Variants in DLG2 observed in about 807,000 individuals in gnomAD.
The protein encoded by DLG2 is discs large MAGUK scaffold protein 2, also known as disks large homolog 2.
In DLG2, 45 loss-of-function variants were observed where a neutral mutation model predicts 132.5. The observed-to-expected ratio is 0.34, with a 90% CI of 0.27 to 0.44. DLG2 has a LOEUF of 0.44. Ranked by LOEUF, DLG2 falls within the 20% of genes least tolerant of loss-of-function variation. The pLI is 1.00. For missense variants in DLG2, 1,045 were observed against 1,196.9 expected (o/e 0.87, Z 1.87); for synonymous variants, 424 against 419.6 (o/e 1.01, Z -0.13).
At chr11:85,625,040 C>T (rs2153282696) in intron 2 of DLG2, 1 of 152,314 alleles carries the variant, frequency 6.6e-6, no homozygotes, top group South Asian at 2.1e-4. Flanking sequence ...AACTTTCTAA[C>T]TAAACCTGCT....
intron 6 of DLG2, among the ~76,000 whole-genome samples, chr11:84,670,156 A>G (rs1366558725): frequency 6.6e-6 from 1 of 152,090 alleles, no homozygotes; most frequent in Non-Finnish European, 1.5e-5. Context: ...GCTCAGGTCA[A>G]TTCCAACCTT....
At chr11:83,774,399 C>A (rs76359058) in intron 18 of DLG2, among the ~76,000 whole-genome samples, 1 of 152,130 alleles carries the variant, frequency 6.6e-6, no homozygotes, top group Non-Finnish European at 1.5e-5. Context: ...TTTATATGTA[C>A]GCCTTCGTTT....
intron 3 of DLG2, among the ~76,000 whole-genome samples, chr11:85,510,402 G>C (rs2094033732): frequency 6.6e-6 from 1 of 152,026 alleles, no homozygotes; most frequent in African/African-American, 2.4e-5. Context: ...CTTCTGCACA[G>C]CAAAAGAAAC....
At chr11:84,650,105 G>C (rs867535962) in intron 6 of DLG2, among the ~76,000 whole-genome samples, 1 of 152,156 alleles carries the variant, frequency 6.6e-6, no homozygotes. Flanking sequence ...TACCCCATGA[G>C]CTGAAAATTA....
intron 7 of DLG2, among the ~76,000 whole-genome samples, chr11:84,455,311 T>G (rs1057215044): frequency 1.3e-5 from 2 of 151,568 alleles, no homozygotes; most frequent in Non-Finnish European, 3.0e-5. Context: ...TGCAAGTAGA[T>G]TCATAAAGAA....
intron 17 of DLG2, among the ~76,000 whole-genome samples, chr11:83,819,302 T>C (rs2050011451): frequency 6.6e-6 from 1 of 151,092 alleles, no homozygotes; most frequent in Admixed American, 6.6e-5. Flanking sequence ...AAACCCCATC[T>C]CTACTGAAAA....
At chr11:84,035,286 G>A (rs2095831917) in intron 11 of DLG2, among the ~76,000 whole-genome samples, 1 of 152,094 alleles carries the variant, frequency 6.6e-6, no homozygotes, top group Non-Finnish European at 1.5e-5. Context: ...CTTTGATTAA[G>A]TTGTAGGTTC....
intron 3 of DLG2, among the ~76,000 whole-genome samples, chr11:85,409,051 T>C (rs1218922515): frequency 6.6e-6 from 1 of 151,980 alleles, no homozygotes; most frequent in Non-Finnish European, 1.5e-5. Flanking sequence ...AATTGAGTCA[T>C]TGAGAAATCG....
At chr11:85,346,188 CT>C (rs370488898) in intron 3 of DLG2, among the ~76,000 whole-genome samples, 1,563 of 144,760 alleles carry the variant, frequency 0.011, 24 homozygotes, top group African/African-American at 0.032. Flanking sequence ...AATTTTCTTT[CT>C]TTTTTTTTTT....
At position 83,484,129 on chromosome 11, in the gene DLG2, G is replaced by A. The variant is rs747209072; in HGVS notation, c.2293C>T (p.Arg765Ter). 3.7e-6 allele frequency: 6 copies of A among 1,611,098 alleles called. No individual in the cohort carries two copies. The highest frequency in any genetic ancestry group is 1.1e-5 in the South Asian group (1 of 90,970). ...QSEQETSDPE[R>*]GQEDLILSYE... ...ACATTATCTTTCAGAATCTACTTAC[G>A]TTCAGGATCACTGGTTTCCTGCTCA... Residue 765 changes from arginine (R) to a stop codon, truncating the protein, a stop_gained and splice_region_variant, in exon 22 of 28, where the codon CGA (arginine) becomes TGA (stop). Transcript: ENST00000376104. LOFTEE classifies it high-confidence loss of function.
At chr11:85,418,887 T>C (rs1235486814) in intron 3 of DLG2, among the ~76,000 whole-genome samples, 2 of 152,222 alleles carry the variant, frequency 1.3e-5, no homozygotes, top group African/African-American at 2.4e-5. Flanking sequence ...CTTTATCCTA[T>C]TTTCCAGTCT....
chr11:84,002,994 G>A (rs2094427175), intron 11 of DLG2, among the ~76,000 whole-genome samples: 1 of 152,082 alleles, frequency 6.6e-6, no homozygotes, highest in Non-Finnish European at 1.5e-5. Context: ...GAGCACCCAG[G>A]TCACAACTTG....
intron 6 of DLG2, among the ~76,000 whole-genome samples, chr11:84,667,285 G>A (rs1466521581): frequency 6.6e-6 from 1 of 151,994 alleles, no homozygotes; most frequent in Non-Finnish European, 1.5e-5. Flanking sequence ...TGCATGTCTT[G>A]TGAGAGACAA....
chr11:83,627,500 G>A (rs967368725), intron 19 of DLG2, among the ~76,000 whole-genome samples: 9 of 152,220 alleles, frequency 5.9e-5, no homozygotes, highest in East Asian at 1.9e-4. Flanking sequence ...TGCTCAGAAC[G>A]ATGGTTTCCA....
At chr11:84,430,035 G>A (rs2098979346) in intron 7 of DLG2, among the ~76,000 whole-genome samples, 1 of 152,162 alleles carries the variant, frequency 6.6e-6, no homozygotes, top group African/African-American at 2.4e-5. Flanking sequence ...ATGAGTTGGG[G>A]CTAGGGTCAC....
chr11:84,591,161 A>C (rs2099541737), intron 6 of DLG2, among the ~76,000 whole-genome samples: 1 of 150,746 alleles, frequency 6.6e-6, no homozygotes, highest in South Asian at 2.1e-4. Flanking sequence ...TGCTGTTGTC[A>C]TGTTCATACT....
At chr11:83,891,416 A>G (rs1013472248) in intron 15 of DLG2, among the ~76,000 whole-genome samples, 1 of 152,232 alleles carries the variant, frequency 6.6e-6, no homozygotes. Flanking sequence ...TGAAACAGGG[A>G]GTACTGCTCT....
At chr11:85,505,518 C>A (rs755627562) in intron 3 of DLG2, among the ~76,000 whole-genome samples, 2 of 152,146 alleles carry the variant, frequency 1.3e-5, no homozygotes, top group Non-Finnish European at 2.9e-5. Context: ...TGATGAATTA[C>A]ATTTATTGAT....
intron 3 of DLG2, among the ~76,000 whole-genome samples, chr11:85,501,611 T>C (rs970264514): frequency 6.6e-6 from 1 of 152,106 alleles, no homozygotes; most frequent in East Asian, 1.9e-4. Flanking sequence ...GGGCAAAGGA[T>C]ATGAACAAAC....
Sources: allele counts gnomAD v4.1 joint callset (sites outside exome capture counted in the v4.1 genomes callset), GRCh38; gene constraint gnomAD v4.1.1; transcripts MANE v1.5; gene names NCBI Gene and HGNC (gene_info 2026-07-23, HGNC 2026-07-21).